The following MAP2 variants were observed in gnomAD, a reference collection of about 807,000 sequenced individuals.
MAP2 encodes the protein microtubule-associated protein 2.
Under a neutral mutation model 137.6 loss-of-function variants are expected in MAP2, and 14 were observed. The observed-to-expected ratio is 0.10, with a 90% CI of 0.07 to 0.16. MAP2 has a LOEUF of 0.16. Ranked by LOEUF, MAP2 falls within the 10% of genes least tolerant of loss-of-function variation. The pLI, the probability that MAP2 is intolerant of heterozygous loss-of-function variation, is 1.00. For synonymous variants in MAP2, 786 were observed against 782.3 expected, an observed-to-expected ratio of 1.00 and a Z score of -0.08; for missense variants, 2,088 against 2,191.5, an observed-to-expected ratio of 0.95 and a Z score of 0.94.
chr2:209,519,243 C>A lies in MAP2; in HGVS notation c.-172+11602C>A, dbSNP rs189168606. Among the ~76,000 whole-genome samples the A allele has an allele frequency of 1.4e-3, 213 of 152,100 alleles. 2 individuals are homozygous for A. Among genetic ancestry groups the A allele is most frequent in the African/African-American group, 4.8e-3 (201 of 41,518 alleles). ...TTTCTATATTGCCAAGTAGATGTAG[C>A]CAAGAGTGGGATTACACACATGCTT... On this transcript the variant is annotated intron_variant, in intron 2 of 15. Transcript: ENST00000682079.
intron 3 of MAP2, among the ~76,000 whole-genome samples, chr2:209,586,638 A>G (rs1579281303): frequency 6.6e-6 from 1 of 152,150 alleles, no homozygotes; most frequent in African/African-American, 2.4e-5. Flanking sequence ...AGTAGATGCT[A>G]AGAGATTTGC....
At chr2:209,603,089 C>T (rs2083461954) in intron 3 of MAP2, among the ~76,000 whole-genome samples, 1 of 152,076 alleles carries the variant, frequency 6.6e-6, no homozygotes, top group Admixed American at 6.6e-5. Flanking sequence ...TGTGCACAGC[C>T]ATGTTTTCAT....
At chr2:209,545,796 A>AG (rs879409835) in intron 2 of MAP2, among the ~76,000 whole-genome samples, 27 of 152,234 alleles carry the variant, frequency 1.8e-4, no homozygotes, top group Non-Finnish European at 2.9e-4. Flanking sequence ...AGTTAATAGT[A>AG]CTGAATTAAA....
At chr2:209,669,224 C>T (rs1028654543) in intron 5 of MAP2, among the ~76,000 whole-genome samples, 3 of 152,052 alleles carry the variant, frequency 2.0e-5, no homozygotes, top group East Asian at 1.9e-4. Flanking sequence ...CGTTATAGGA[C>T]GGGAAGGAGG....
At chr2:209,505,776 A>G (rs536748102) in intron 1 of MAP2, among the ~76,000 whole-genome samples, 2 of 152,212 alleles carry the variant, frequency 1.3e-5, no homozygotes, top group South Asian at 4.1e-4. Context: ...GTTTGAGACC[A>G]GCCTGGGGAA....
At chr2:209,598,418 T>A (rs1235856054) in intron 3 of MAP2, among the ~76,000 whole-genome samples, 1 of 151,672 alleles carries the variant, frequency 6.6e-6, no homozygotes, top group African/African-American at 2.4e-5. Context: ...AATTTATTTA[T>A]TTTATTTATT....
intron 1 of MAP2, among the ~76,000 whole-genome samples, chr2:209,454,814 A>G (rs1559182780): frequency 6.6e-6 from 1 of 151,648 alleles, no homozygotes; most frequent in Non-Finnish European, 1.5e-5. Context: ...GTGTGTGTGT[A>G]ATCATTTACT....
At chr2:209,497,996 G>T (rs2059954190) in intron 1 of MAP2, among the ~76,000 whole-genome samples, 1 of 152,146 alleles carries the variant, frequency 6.6e-6, no homozygotes, top group African/African-American at 2.4e-5. Context: ...GTTCCCCAAT[G>T]TCTTAACTCA....
In MAP2 at chr2:209,694,290, C is replaced by A. The variant is rs1283037496; in HGVS notation, c.2120C>A (p.Ser707Tyr). ...QRSMSINLPM[S>Y]CLDSIALGFN... ...AGCATGTCAATCAATTTGCCGATGTCTTGCCTAGATTCCATAGCCCTTGGA... is the reference window on the plus strand; with the variant it reads ...AGCATGTCAATCAATTTGCCGATGTATTGCCTAGATTCCATAGCCCTTGGA... The change falls in exon 8 of 16, where the codon TCT (serine) becomes TAT (tyrosine). Residue 707 changes from serine (S) to tyrosine (Y), a missense_variant. Physicochemically the swap from Ser to Tyr is moderately radical, Grantham distance 144 (BLOSUM62 -2). Coordinates refer to ENST00000682079, the MANE Select transcript of MAP2 (RefSeq NM_001375505.1). 6.2e-7 allele frequency: 1 copy of A among 1,614,138 alleles called. No individual in the cohort carries two copies. Among genetic ancestry groups the A allele is most frequent in the Non-Finnish European group, 8.5e-7 (1 of 1,180,012 alleles).
chr2:209,647,274 T>C (rs1183472744), intron 4 of MAP2, among the ~76,000 whole-genome samples: 1 of 152,166 alleles, frequency 6.6e-6, no homozygotes, highest in East Asian at 1.9e-4. Context: ...CATTTCAGTA[T>C]GAAATTTGGG....
chr2:209,733,460 CCA>C lies in MAP2; in HGVS notation c.*3095_*3096del, dbSNP rs112861196. 0.072 allele frequency: 10,662 copies of C among 147,980 alleles called. 474 individuals are homozygous for C. The highest frequency in any genetic ancestry group is 0.21 in the South Asian group (966 of 4,614). The allele number at this position is 147,980 out of a possible 1,614,324, so 9.2% of individuals were successfully genotyped here. A position where few individuals can be genotyped will look rare whatever the true frequency, so the allele number is the denominator to read the frequency against. ...AATGTACTGATTGTAGTGACCTTCT[CCA>C]CACACACACACACACACACACACAC... is the stretch of plus-strand genomic sequence containing the variant. On this transcript the variant is annotated 3_prime_UTR_variant, in exon 16 of 16. Coordinates refer to ENST00000682079, the MANE Select transcript of MAP2 (RefSeq NM_001375505.1).
At chr2:209,647,602 T>G (rs2153595481) in intron 4 of MAP2, among the ~76,000 whole-genome samples, 1 of 152,326 alleles carries the variant, frequency 6.6e-6, no homozygotes, top group Non-Finnish European at 1.5e-5. Context: ...ACCAAGTCTC[T>G]TAGTTTGGCT....
chr2:209,639,205 A>G (rs151002233), intron 4 of MAP2, among the ~76,000 whole-genome samples: 2 of 152,230 alleles, frequency 1.3e-5, no homozygotes, highest in East Asian at 3.9e-4. Flanking sequence ...ACTCTTCTGG[A>G]CATCATATGT....
At chr2:209,635,473 TG>T (rs1300761104) in intron 4 of MAP2, among the ~76,000 whole-genome samples, 1 of 152,202 alleles carries the variant, frequency 6.6e-6, no homozygotes. Flanking sequence ...TGTGATGTTT[TG>T]ATGAACTTAC....
rs183018897 is a variant in MAP2, at chr2:209,701,263, A to G, written c.4584+925A>G. 5.3e-3 allele frequency among the ~76,000 whole-genome samples: 803 copies of G among 152,058 alleles called. 14 individuals carry two copies. The highest frequency in any genetic ancestry group is 0.018 in the African/African-American group (751 of 41,558). On this transcript the variant is annotated intron_variant, in intron 11 of 15. Transcript: ENST00000682079. ...TGTTGTTGTATATTTGCCAAATTAT[A>G]GAGATGGCATATATTATTATTTTAA... is the stretch of plus-strand genomic sequence containing the variant.
chr2:209,674,894 C>A (rs1264594875), intron 5 of MAP2, among the ~76,000 whole-genome samples: 1 of 151,778 alleles, frequency 6.6e-6, no homozygotes, highest in Non-Finnish European at 1.5e-5. Context: ...CCCAGTAGAT[C>A]TGCTGATGAG....
At chr2:209,659,986 C>G (rs957606873) in intron 5 of MAP2, among the ~76,000 whole-genome samples, 2 of 151,774 alleles carry the variant, frequency 1.3e-5, no homozygotes, top group Non-Finnish European at 2.9e-5. Flanking sequence ...TGCAGCGAGC[C>G]GAGATGGCGC....
chr2:209,487,956 CA>C (rs1166660231), intron 1 of MAP2, among the ~76,000 whole-genome samples: 1 of 152,164 alleles, frequency 6.6e-6, no homozygotes, highest in Non-Finnish European at 1.5e-5. Flanking sequence ...GAGGTAATGA[CA>C]ACAAGTTTCT....
At chr2:209,583,475 G>GT (rs550027370) in intron 3 of MAP2, among the ~76,000 whole-genome samples, 135 of 148,596 alleles carry the variant, frequency 9.1e-4, no homozygotes, top group African/African-American at 1.7e-3. Flanking sequence ...CAAGGTTTGG[G>GT]TTTTTTTTTT....
Sources: gnomAD v4.1 joint callset for allele counts (sites outside exome capture counted in the v4.1 genomes callset) on GRCh38, gnomAD v4.1.1 for gene constraint, MANE v1.5 for transcripts, NCBI Gene and HGNC (gene_info 2026-07-23, HGNC 2026-07-21) for gene names.